The following NEMP2 variants were observed in gnomAD, a reference collection of about 807,000 sequenced individuals.
The protein encoded by NEMP2 is nuclear envelope integral membrane protein 2, also known as UPF0571 transmembrane protein.
In NEMP2, 53 loss-of-function variants were observed where a neutral mutation model predicts 54.2. The observed-to-expected ratio is 0.98, with a 90% confidence interval of 0.78 to 1.23. The LOEUF is 1.23. NEMP2 is among the 50% of genes most tolerant of loss of function. The pLI, the probability that NEMP2 is intolerant of heterozygous loss-of-function variation, is 0.00. For missense variants in NEMP2, 455 were observed against 511.3 expected (o/e 0.89, Z 1.06); for synonymous variants, 197 against 190.3 (o/e 1.04, Z -0.29).
the NEMP2 span, among the ~76,000 whole-genome samples, chr2:190,576,626 G>A: frequency 6.7e-6 from 1 of 148,272 alleles, no homozygotes; most frequent in East Asian, 2.0e-4. Context: ...ATGGAGCGGG[G>A]TGGGGCGGGG....
At chr2:190,470,789 CAG>C in the NEMP2 span, among the ~76,000 whole-genome samples, 1 of 152,032 alleles carries the variant, frequency 6.6e-6, no homozygotes, top group African/African-American at 2.4e-5. Flanking sequence ...TACATCTAAA[CAG>C]AATGTACAAA....
In NEMP2 at chr2:190,522,453, G is replaced by C. The variant is rs554422598; in HGVS notation, c.213+2810C>G. Among the ~76,000 whole-genome samples the C allele has an allele frequency of 6.6e-6, 1 of 151,916 alleles. No homozygotes were observed. The highest frequency in any genetic ancestry group is 2.1e-4 in the South Asian group (1 of 4,808). On this transcript the variant is annotated intron_variant, in intron 2 of 8. Transcript: ENST00000409150. This position sits in a 1 kb window ranked among gnomAD's most constrained non-coding sequence, Gnocchi z 5.0. ...CTATGATCTTTTCTGAGAATAAAAAGGTAAACAAAACTTGTAAACCAAAAA... is the reference window on the plus strand; with the variant it reads ...CTATGATCTTTTCTGAGAATAAAAACGTAAACAAAACTTGTAAACCAAAAA...
intron 1 of NEMP2, chr2:190,534,123 A>T: frequency 1.0e-6 from 1 of 989,854 alleles, no homozygotes; most frequent in Non-Finnish European, 1.2e-6. Flanking sequence ...TCTAGTCTTG[A>T]GACCAAAGGA....
chr2:190,509,442 C>T lies in NEMP2; in HGVS notation c.1131-130G>A. 9.9e-7 allele frequency: 1 copy of T among 1,009,322 alleles called. No homozygotes were observed. Among genetic ancestry groups the T allele is most frequent in the Non-Finnish European group, 1.5e-6 (1 of 686,402 alleles). 62.5% of individuals were successfully genotyped at this position (1,009,322 alleles called of 1,614,324 possible). ...TTGCATCAATACAGGGTGGCATTTA[C>T]ACAGTGGGTGTAAAAATGGGAATGG... On this transcript the variant is annotated intron_variant, in intron 8 of 8. Coordinates refer to ENST00000409150, the MANE Select transcript of NEMP2 (RefSeq NM_001142645.2). This position sits in a 1 kb window ranked among gnomAD's most constrained non-coding sequence, Gnocchi z 6.1.
chr2:190,566,131 C>T, the NEMP2 span, among the ~76,000 whole-genome samples: 1 of 152,080 alleles, frequency 6.6e-6, no homozygotes. Context: ...GGCAACTAGT[C>T]CCTTCATTGC....
At position 190,517,587 on chromosome 2, in the gene NEMP2, C is replaced by A; in HGVS notation, c.545G>T (p.Gly182Val). The change falls in exon 5 of 9, where the codon GGA (glycine) becomes GTA (valine). Residue 182 changes from glycine to valine, a missense_variant. Coordinates refer to ENST00000409150, the MANE Select transcript of NEMP2 (RefSeq NM_001142645.2). ...SQSPTFYYSS[G>V]TVLGVLMTLV... ...TGTCATTAGAACACCTAGCACAGTT[C>A]CCGAGGAGTAATAGAAAGTAGGGCT... The A allele has an allele frequency of 6.5e-7, 1 of 1,549,416 alleles. No homozygotes were observed. The highest frequency in any genetic ancestry group is 8.7e-7 in the Non-Finnish European group (1 of 1,146,168).
the NEMP2 span, among the ~76,000 whole-genome samples, chr2:190,456,762 C>T: frequency 6.6e-6 from 1 of 152,232 alleles, no homozygotes; most frequent in African/African-American, 2.4e-5. The surrounding 1 kb of genome is among the most constrained non-coding windows in gnomAD (Gnocchi z 5.4). Context: ...TGGCTCACCC[C>T]TCGTCCTGCC....
At chr2:190,542,512 C>G in the NEMP2 span, among the ~76,000 whole-genome samples, 1 of 152,100 alleles carries the variant, frequency 6.6e-6, no homozygotes, top group Admixed American at 6.6e-5. This position sits in a 1 kb window ranked among gnomAD's most constrained non-coding sequence, Gnocchi z 4.6. Context: ...GTGTCCAGCC[C>G]TGAGATTTGA....
chr2:190,437,255 C>T, the NEMP2 span: 30 of 1,614,120 alleles, frequency 1.9e-5, no homozygotes, highest in East Asian at 5.3e-4. The surrounding 1 kb of genome is among the most constrained non-coding windows in gnomAD (Gnocchi z 5.9). Flanking sequence ...GTGGAGATCC[C>T]GCAGGTGGAA....
the NEMP2 span, among the ~76,000 whole-genome samples, chr2:190,496,550 A>G: frequency 8.5e-5 from 13 of 152,210 alleles, no homozygotes; most frequent in African/African-American, 3.1e-4. The surrounding 1 kb of genome is among the most constrained non-coding windows in gnomAD (Gnocchi z 4.7). Context: ...TAGCATCACA[A>G]TTGCAAAAAT....
chr2:190,540,606 T>C, the NEMP2 span, among the ~76,000 whole-genome samples: 1 of 152,196 alleles, frequency 6.6e-6, no homozygotes, highest in Non-Finnish European at 1.5e-5. Context: ...GCATGATCTT[T>C]AAATGTTGTT....
At chr2:190,459,522 A>G in the NEMP2 span, among the ~76,000 whole-genome samples, 1 of 152,258 alleles carries the variant, frequency 6.6e-6, no homozygotes, top group Non-Finnish European at 1.5e-5. The surrounding 1 kb of genome is among the most constrained non-coding windows in gnomAD (Gnocchi z 5.3). Flanking sequence ...ACAGAAAAAT[A>G]TAACAACAAA....
chr2:190,608,098 C>G, the NEMP2 span: 1 of 152,222 alleles, frequency 6.6e-6, no homozygotes, highest in Non-Finnish European at 1.5e-5. The surrounding 1 kb of genome is among the most constrained non-coding windows in gnomAD (Gnocchi z 4.9). Context: ...CTGTCCCACC[C>G]AGGATGTGAA....
the NEMP2 span, among the ~76,000 whole-genome samples, chr2:190,578,778 G>C: frequency 6.7e-6 from 1 of 148,152 alleles, no homozygotes; most frequent in African/African-American, 2.5e-5. The surrounding 1 kb of genome is among the most constrained non-coding windows in gnomAD (Gnocchi z 4.4). Flanking sequence ...GGGGTGGAGG[G>C]AAAAAAAAAG....
At chr2:190,426,426 TG>T in the NEMP2 span, among the ~76,000 whole-genome samples, 2 of 152,226 alleles carry the variant, frequency 1.3e-5, no homozygotes, top group Non-Finnish European at 2.9e-5. The surrounding 1 kb of genome is among the most constrained non-coding windows in gnomAD (Gnocchi z 4.7). Flanking sequence ...CTGTTTTTTT[TG>T]TTTTGTTTCA....
the NEMP2 span, among the ~76,000 whole-genome samples, chr2:190,494,062 A>T: frequency 9.9e-4 from 151 of 152,282 alleles, no homozygotes; most frequent in African/African-American, 3.4e-3. This position sits in a 1 kb window ranked among gnomAD's most constrained non-coding sequence, Gnocchi z 5.7. Flanking sequence ...TAAATGAAAC[A>T]AAAAGCTGGT....
chr2:190,617,677 C>G, the NEMP2 span, among the ~76,000 whole-genome samples: 2 of 152,274 alleles, frequency 1.3e-5, no homozygotes, highest in South Asian at 4.1e-4. This position sits in a 1 kb window ranked among gnomAD's most constrained non-coding sequence, Gnocchi z 5.0. Context: ...GAAATTTACT[C>G]AGAATAAACC....
chr2:190,470,867 T>C, the NEMP2 span, among the ~76,000 whole-genome samples: 1 of 152,038 alleles, frequency 6.6e-6, no homozygotes, highest in African/African-American at 2.4e-5. Flanking sequence ...TGAAAGGAGA[T>C]ATAATTTATA....
the NEMP2 span, among the ~76,000 whole-genome samples, chr2:190,570,107 G>A: frequency 6.6e-6 from 1 of 152,206 alleles, no homozygotes; most frequent in Admixed American, 6.5e-5. The surrounding 1 kb of genome is among the most constrained non-coding windows in gnomAD (Gnocchi z 5.4). Flanking sequence ...GTACAATTAT[G>A]ATTGTCTTTG....
Sources: allele counts gnomAD v4.1 joint callset (sites outside exome capture counted in the v4.1 genomes callset), GRCh38; gene constraint gnomAD v4.1.1; non-coding constraint Gnocchi (gnomAD v3.1); transcripts MANE v1.5; gene names NCBI Gene and HGNC (gene_info 2026-07-23, HGNC 2026-07-21).